The following DGKG variants were observed in gnomAD, a reference collection of about 807,000 sequenced individuals.
The protein encoded by DGKG is diacylglycerol kinase gamma, also known as DAG kinase gamma.
In DGKG, 78 loss-of-function variants were observed where a neutral mutation model predicts 105.3. That is an observed-to-expected ratio of 0.74 (90% CI 0.62 to 0.89). The LOEUF is 0.89. Ranked by LOEUF, DGKG falls within the 40% of genes least tolerant of loss-of-function variation. DGKG has a pLI of 0.00. For synonymous variants in DGKG, 346 were observed against 367.1 expected (o/e 0.94, Z 0.66); for missense variants, 958 against 1,020.1 (o/e 0.94, Z 0.83).
intron 17 of DGKG, among the ~76,000 whole-genome samples, chr3:186,254,069 T>G (rs1165023522): frequency 6.6e-6 from 1 of 152,070 alleles, no homozygotes; most frequent in Non-Finnish European, 1.5e-5. Flanking sequence ...CAATAGAACA[T>G]GTTTTCATCT....
chr3:186,276,661 G>C (rs1446191005), intron 9 of DGKG, among the ~76,000 whole-genome samples: 1 of 152,206 alleles, frequency 6.6e-6, no homozygotes, highest in Non-Finnish European at 1.5e-5. Flanking sequence ...GCCTCACACA[G>C]TGACACCCAC....
intron 19 of DGKG, among the ~76,000 whole-genome samples, chr3:186,242,982 A>G (rs746704641): frequency 5.9e-5 from 9 of 152,072 alleles, no homozygotes; most frequent in Non-Finnish European, 1.0e-4. Flanking sequence ...GTTCTTTTTA[A>G]AATAGTTTTT....
chr3:186,235,529 G>C (rs1168277426), intron 20 of DGKG, among the ~76,000 whole-genome samples: 1 of 152,208 alleles, frequency 6.6e-6, no homozygotes, highest in South Asian at 2.1e-4. Context: ...ACACATCTGG[G>C]TTGTAATAGT....
intron 19 of DGKG, among the ~76,000 whole-genome samples, chr3:186,248,569 C>T (rs1385301176): frequency 6.6e-6 from 1 of 152,224 alleles, no homozygotes; most frequent in Non-Finnish European, 1.5e-5. Context: ...GTTCCCAGAC[C>T]TTACCCAGAC....
At chr3:186,271,562 C>T (rs913678036) in intron 11 of DGKG, among the ~76,000 whole-genome samples, 1 of 152,162 alleles carries the variant, frequency 6.6e-6, no homozygotes, top group African/African-American at 2.4e-5. Flanking sequence ...ACACTCAGAG[C>T]TATTAACCTA....
rs61752079 is a variant in DGKG at position 186,279,932 on chromosome 3, G to A, written c.711C>T (p.Asp237=). The change falls in exon 9 of 25, where the codon GAC becomes GAT. Residue 237 remains aspartate (D), a synonymous_variant. Transcript: ENST00000265022. ...EMLQGMDYDR[D]GFVSLQEWVH... ...CCCATTCCTGTAGAGACACAAAGCC[G>A]TCCCGGTCGTAGTCCATCCCTTGCA... 2.3e-4 allele frequency: 372 copies of A among 1,614,064 alleles called. 6 individuals are homozygous for A. In the African/African-American group the frequency reaches 3.3e-3, roughly 14 times the overall value.
chr3:186,322,423 T>C (rs991472154), intron 1 of DGKG, among the ~76,000 whole-genome samples: 1 of 152,084 alleles, frequency 6.6e-6, no homozygotes, highest in Admixed American at 6.5e-5. Context: ...TGGGGCCTAC[T>C]TGAAGGTGGA....
chr3:186,193,559 A>C (rs759108130), intron 21 of DGKG, among the ~76,000 whole-genome samples: 2 of 152,222 alleles, frequency 1.3e-5, no homozygotes, highest in African/African-American at 2.4e-5. Context: ...TGGCAAGCGC[A>C]CGCCTGCGTG....
At chr3:186,330,648 G>A (rs147706773) in intron 1 of DGKG, among the ~76,000 whole-genome samples, 4 of 152,282 alleles carry the variant, frequency 2.6e-5, no homozygotes, top group African/African-American at 9.6e-5. Context: ...TTACAGAGAG[G>A]AGAACTGAGC....
At chr3:186,331,737 T>C (rs1725614878) in intron 1 of DGKG, among the ~76,000 whole-genome samples, 1 of 152,204 alleles carries the variant, frequency 6.6e-6, no homozygotes, top group African/African-American at 2.4e-5. Flanking sequence ...AGAAGAGTGT[T>C]TGTAGCTCAG....
chr3:186,352,735 G>T (rs889751705), intron 1 of DGKG, among the ~76,000 whole-genome samples: 3 of 152,044 alleles, frequency 2.0e-5, no homozygotes, highest in African/African-American at 7.2e-5. Flanking sequence ...CACCTGTACT[G>T]CCATTGGTTT....
chr3:186,211,141 T>A (rs1428325882), intron 21 of DGKG, among the ~76,000 whole-genome samples: 4 of 152,236 alleles, frequency 2.6e-5, no homozygotes, highest in African/African-American at 9.6e-5. Flanking sequence ...CAGGATTGGC[T>A]ACATAATTTG....
chr3:186,335,247 T>A (rs989306478), intron 1 of DGKG, among the ~76,000 whole-genome samples: 18 of 152,114 alleles, frequency 1.2e-4, no homozygotes, highest in African/African-American at 4.1e-4. Context: ...AATTTTTTTT[T>A]AATGTTTTTA....
At chr3:186,295,429 G>A (rs989647475) in intron 5 of DGKG, among the ~76,000 whole-genome samples, 38 of 151,850 alleles carry the variant, frequency 2.5e-4, no homozygotes, top group African/African-American at 8.7e-4. Flanking sequence ...TTGAACCAGG[G>A]AGGCGGAGGT....
At chr3:186,241,586 C>T (rs1312610468) in intron 20 of DGKG, among the ~76,000 whole-genome samples, 1 of 151,780 alleles carries the variant, frequency 6.6e-6, no homozygotes, top group African/African-American at 2.4e-5. Context: ...AATAAAAAGA[C>T]AATTCTGTGG....
intron 20 of DGKG, among the ~76,000 whole-genome samples, chr3:186,241,370 T>C (rs967601423): frequency 1.3e-5 from 2 of 151,974 alleles, no homozygotes; most frequent in African/African-American, 4.8e-5. Context: ...CTGGTGAACA[T>C]AGTGAAACCC....
chr3:186,267,186 A>G (rs1458239493), intron 13 of DGKG, among the ~76,000 whole-genome samples: 2 of 152,066 alleles, frequency 1.3e-5, no homozygotes, highest in East Asian at 1.9e-4. Context: ...GAGATGAGGG[A>G]GGTTGGGAGC....
At chr3:186,152,057 C>T (rs936343589) in intron 24 of DGKG, among the ~76,000 whole-genome samples, 3 of 151,656 alleles carry the variant, frequency 2.0e-5, no homozygotes, top group African/African-American at 7.3e-5. Flanking sequence ...CCAGCCTGTG[C>T]GACAGAGAGA....
intron 17 of DGKG, among the ~76,000 whole-genome samples, chr3:186,254,626 T>C (rs1721376557): frequency 6.6e-6 from 1 of 152,164 alleles, no homozygotes; most frequent in South Asian, 2.1e-4. Flanking sequence ...ATTCTATGTG[T>C]TGTCTCCTTA....
Sources: allele counts gnomAD v4.1 joint callset (sites outside exome capture counted in the v4.1 genomes callset), GRCh38; gene constraint gnomAD v4.1.1; transcripts MANE v1.5; gene names NCBI Gene and HGNC (gene_info 2026-07-23, HGNC 2026-07-21).